The following SNX13 variants were observed in gnomAD, a reference collection of about 807,000 sequenced individuals.
SNX13 encodes sorting nexin 13, also known as sorting nexin-13.
A neutral mutation model predicts 133.6 loss-of-function variants in SNX13; 45 were observed. The observed-to-expected ratio is 0.34, with a 90% CI of 0.27 to 0.43. SNX13 has a LOEUF of 0.43. Ranked by LOEUF, SNX13 falls within the 20% of genes least tolerant of loss-of-function variation. The pLI is 1.00. For missense variants in SNX13, 1,032 were observed against 1,145.1 expected, an observed-to-expected ratio of 0.90 and a Z score of 1.43; for synonymous variants, 414 against 373.9, an observed-to-expected ratio of 1.11 and a Z score of -1.24.
At chr7:17,918,578 A>G (rs1799802672) in intron 1 of SNX13, among the ~76,000 whole-genome samples, 1 of 152,258 alleles carries the variant, frequency 6.6e-6, no homozygotes, top group Non-Finnish European at 1.5e-5. Flanking sequence ...ATCAGTCAAA[A>G]TGACTATTAT....
At chr7:17,893,178 T>C (rs2127994677) in intron 3 of SNX13, among the ~76,000 whole-genome samples, 154 bp downstream of exon 3, 2 of 152,338 alleles carry the variant, frequency 1.3e-5, no homozygotes, top group African/African-American at 4.8e-5. Flanking sequence ...TTTTAAAATA[T>C]ATTTTCTAAG....
At chr7:17,823,238 A>G (rs751447533) in intron 17 of SNX13, among the ~76,000 whole-genome samples, 20 of 152,128 alleles carry the variant, frequency 1.3e-4, no homozygotes, top group Non-Finnish European at 2.4e-4. Context: ...CTATACTTAT[A>G]ATATTGTTTT....
At chr7:17,833,478 G>A (rs1029915191) in intron 15 of SNX13, among the ~76,000 whole-genome samples, 2 of 151,512 alleles carry the variant, frequency 1.3e-5, no homozygotes, top group African/African-American at 2.4e-5. Context: ...GAGTAAAATC[G>A]AAATATTCTG....
intron 17 of SNX13, among the ~76,000 whole-genome samples, chr7:17,824,913 G>C (rs1281212584): frequency 1.3e-5 from 2 of 152,020 alleles, no homozygotes; most frequent in Non-Finnish European, 2.9e-5. Flanking sequence ...GGGACTACAG[G>C]TGTGCACCAC....
chr7:17,864,912 A>G lies in SNX13; in HGVS notation c.837+3495T>C, dbSNP rs1216920534. On this transcript the variant is annotated intron_variant, in intron 9 of 25. Transcript: ENST00000428135. ...TCTGGCAGCACACATCTGAGCAGAA[A>G]CCTTACAGGCCAGGAGGGAGCGGGA... 2.6e-5 allele frequency among the ~76,000 whole-genome samples: 4 copies of G among 152,116 alleles called. 1 individual carries two copies. Among genetic ancestry groups the G allele is most frequent in the Non-Finnish European group, 5.9e-5 (4 of 68,022 alleles).
At chr7:17,870,360 C>T (rs1439819597) in intron 8 of SNX13, among the ~76,000 whole-genome samples, 2 of 152,012 alleles carry the variant, frequency 1.3e-5, no homozygotes, top group Non-Finnish European at 2.9e-5. Flanking sequence ...CAAAAATATC[C>T]TGTGAGAAAT....
At chr7:17,834,220 A>C (rs746100426) in intron 14 of SNX13, 36 bp from the exon 15 acceptor site, 1 of 1,514,438 alleles carries the variant, frequency 6.6e-7, no homozygotes, top group Non-Finnish European at 8.9e-7. Flanking sequence ...AACAATTAAT[A>C]CAGGTGTGTG....
intron 15 of SNX13, chr7:17,832,137 T>C (rs1327802722): frequency 4.1e-6 from 4 of 984,092 alleles, no homozygotes; most frequent in African/African-American, 1.8e-5. Flanking sequence ...AACTGATATA[T>C]AAGAGAAGCA....
intron 17 of SNX13, among the ~76,000 whole-genome samples, chr7:17,824,100 T>C (rs995591633): frequency 6.6e-6 from 1 of 152,144 alleles, no homozygotes; most frequent in African/African-American, 2.4e-5. Flanking sequence ...GTGATTTAGC[T>C]AGAAGGGTTT....
intron 20 of SNX13, among the ~76,000 whole-genome samples, chr7:17,805,721 T>C (rs984912378): frequency 6.6e-6 from 1 of 152,214 alleles, no homozygotes; most frequent in African/African-American, 2.4e-5. Context: ...GAGGCTATAC[T>C]ACCATTGATA....
Position 17,897,325 on chromosome 7 carries a change from T to G in SNX13, c.125+9A>C. The G allele has an allele frequency of 7.0e-7, 1 of 1,432,212 alleles. No homozygotes were observed. The highest frequency in any genetic ancestry group is 1.4e-5 in the South Asian group (1 of 69,546). 88.7% of individuals were successfully genotyped at this position (1,432,212 alleles called of 1,614,324 possible). A position where few individuals can be genotyped will look rare whatever the true frequency, so the allele number is the denominator to read the frequency against. On this transcript the variant is annotated intron_variant, in intron 2 of 25. Transcript: ENST00000428135. ...CATGAATTATAAAATTATAATTGAG[T>G]ATACTTACCCACCCACAAAGCAGAG...
chr7:17,796,796 T>C (rs757447836), intron 25 of SNX13, 31 bp downstream of exon 25: 1 of 1,479,368 alleles, frequency 6.8e-7, no homozygotes, highest in African/African-American at 1.4e-5. Context: ...TGACAAATTA[T>C]AAAGATTTTT....
chr7:17,856,858 C>A (rs1038385694), intron 9 of SNX13, among the ~76,000 whole-genome samples: 1 of 143,798 alleles, frequency 7.0e-6, no homozygotes, highest in African/African-American at 2.6e-5. Context: ...CCTCAAGGAA[C>A]TAGAAAAGCA....
At chr7:17,880,615 T>G (rs1327795723) in intron 5 of SNX13, 1 of 152,100 alleles carries the variant, frequency 6.6e-6, no homozygotes, top group Non-Finnish European at 1.5e-5. Context: ...GAAACAGAAG[T>G]GGATAGATGT....
chr7:17,918,850 C>A (rs533788263), intron 1 of SNX13, among the ~76,000 whole-genome samples: 2 of 152,274 alleles, frequency 1.3e-5, no homozygotes, highest in Admixed American at 1.3e-4. Flanking sequence ...ATGGAATTAA[C>A]CTAGATGCCC....
chr7:17,878,703 C>T (rs879827073), intron 5 of SNX13, among the ~76,000 whole-genome samples: 8 of 152,124 alleles, frequency 5.3e-5, no homozygotes, highest in Admixed American at 2.0e-4. Context: ...TGCAATAACA[C>T]CCCATTATTA....
intron 20 of SNX13, among the ~76,000 whole-genome samples, chr7:17,810,497 G>A (rs2128294578): frequency 6.6e-6 from 1 of 152,146 alleles, no homozygotes; most frequent in Non-Finnish European, 1.5e-5. Flanking sequence ...GAAAAAAAAA[G>A]CCCAGGACCA....
At position 17,861,578 on chromosome 7, in the gene SNX13, G is replaced by A. The variant is rs77282026; in HGVS notation, c.837+6829C>T. Among the ~76,000 whole-genome samples the A allele has an allele frequency of 4.0e-3, 605 of 152,310 alleles. 8 individuals are homozygous for A. The highest frequency in any genetic ancestry group is 0.014 in the African/African-American group (571 of 41,560). On this transcript the variant is annotated intron_variant, in intron 9 of 25. Coordinates refer to ENST00000428135, the MANE Select transcript of SNX13 (RefSeq NM_015132.5). ...GAAATAGTCAAGTGAGCTCGAGGAT[G>A]TGCATTGAGAGACAAAATGACAGAG...
At chr7:17,915,182 T>A (rs901881811) in intron 1 of SNX13, among the ~76,000 whole-genome samples, 54 of 152,198 alleles carry the variant, frequency 3.5e-4, no homozygotes, top group African/African-American at 1.2e-3. Context: ...GTCCTCAATA[T>A]ACACACACCC....
Sources: allele counts gnomAD v4.1 joint callset (sites outside exome capture counted in the v4.1 genomes callset), GRCh38; gene constraint gnomAD v4.1.1; transcripts MANE v1.5; gene names NCBI Gene and HGNC (gene_info 2026-07-23, HGNC 2026-07-21).